ACSL6: variants seen among roughly 807,000 people sequenced by gnomAD.
ACSL6 encodes the protein long-chain-fatty-acid--CoA ligase 6.
In ACSL6, 47 loss-of-function variants were observed where a neutral mutation model predicts 98.2. The observed-to-expected ratio is 0.48, with a 90% CI of 0.38 to 0.61. ACSL6 has a LOEUF of 0.61. Among genes scored for constraint, ACSL6 ranks in the 20% least tolerant of loss-of-function variants. The pLI, the probability that ACSL6 is intolerant of heterozygous loss-of-function variation, is 0.00. For synonymous variants in ACSL6, 362 were observed against 336.9 expected, an observed-to-expected ratio of 1.07 and a Z score of -0.82; for missense variants, 761 against 913.4, an observed-to-expected ratio of 0.83 and a Z score of 2.15.
At chr5:131,995,261 C>T (rs1198094144) in intron 1 of ACSL6, among the ~76,000 whole-genome samples, 1 of 152,176 alleles carries the variant, frequency 6.6e-6, no homozygotes, top group East Asian at 1.9e-4. Context: ...GCGGCATCCT[C>T]CTCTCGGCCA....
At position 131,962,573 on chromosome 5, in the gene ACSL6, G is replaced by A. The variant is rs754815249; in HGVS notation, c.1819C>T (p.Pro607Ser). The A allele has an allele frequency of 3.7e-6, 6 of 1,613,958 alleles. No homozygotes were observed. In the African/African-American group the frequency reaches 5.3e-5, roughly 14 times the overall value. The change falls in exon 18 of 21, where the codon CCT (proline) becomes TCT (serine). Residue 607 changes from proline (P) to serine (S), a missense_variant. Coordinates refer to ENST00000651883, the MANE Select transcript of ACSL6 (RefSeq NM_001009185.3). ...KIENIYIRSQ[P>S]VAQIYVHGDS... is the part of the protein sequence containing the mutation. ...CCATGGACATAGATTTGCGCCACAG[G>A]TTGGCTCCGGATGTAGATGTTCTCA...
Position 131,976,699 on chromosome 5 carries a change from G to A in ACSL6, c.939C>T (p.Leu313=), listed in dbSNP as rs762321277. 1.9e-6 allele frequency: 3 copies of A among 1,614,190 alleles called. No individual in the cohort carries two copies. Among genetic ancestry groups the A allele is most frequent in the Non-Finnish European group, 1.7e-6 (2 of 1,180,016 alleles). ...AATCAGCCACCACGTTCCCATGGGT[G>A]AGCATCGCACCTTTTGGGTTCCCTA... is the stretch of plus-strand genomic sequence containing the variant. ...GTTGNPKGAM[L]THGNVVADFS... Residue 313 remains leucine (L), a synonymous_variant, in exon 10 of 21, where the codon CTC becomes CTT. Transcript: ENST00000651883.
intron 9 of ACSL6, chr5:131,983,156 T>C (rs1464278811): frequency 6.6e-6 from 1 of 152,244 alleles, no homozygotes; most frequent in Non-Finnish European, 1.5e-5. Context: ...TTTCCCAAAC[T>C]GGGCTATGTT....
intron 11 of ACSL6, among the ~76,000 whole-genome samples, chr5:131,974,486 T>C (rs574057361): frequency 1.3e-5 from 2 of 152,386 alleles, no homozygotes; most frequent in East Asian, 1.9e-4. Context: ...TCTGCAAAGC[T>C]GCAATACTCT....
intron 17 of ACSL6, among the ~76,000 whole-genome samples, chr5:131,965,921 C>T (rs80083938): frequency 3.3e-5 from 5 of 152,152 alleles, no homozygotes; most frequent in Non-Finnish European, 5.9e-5. Context: ...AAGCCACAGA[C>T]GGGGATGAGG....
At chr5:131,957,423 A>G (rs1752469779) in intron 20 of ACSL6, among the ~76,000 whole-genome samples, 2 of 152,274 alleles carry the variant, frequency 1.3e-5, no homozygotes, top group Admixed American at 1.3e-4. Flanking sequence ...ATGCTCAAAT[A>G]CTGCCCAGCC....
chr5:131,988,284 A>T, intron 6 of ACSL6, 58 bp from the exon 7 acceptor site: 1 of 1,585,212 alleles, frequency 6.3e-7, no homozygotes. Flanking sequence ...GAGTGCAGGC[A>T]GCATGTGCCA....
chr5:131,952,760 G>A lies in ACSL6; in HGVS notation c.*1474C>T. On this transcript the variant is annotated 3_prime_UTR_variant, in exon 21 of 21. Coordinates refer to ENST00000651883, the MANE Select transcript of ACSL6 (RefSeq NM_001009185.3). Reference sequence around the variant, plus strand: ...TAATGCAAGAAAGGAGGTTTTAGTGGTTAAACTTCGGCACGCTTAAAGATT... The same window carrying A: ...TAATGCAAGAAAGGAGGTTTTAGTGATTAAACTTCGGCACGCTTAAAGATT... The A allele has an allele frequency of 4.6e-6, 1 of 218,440 alleles. No homozygotes were observed. Among genetic ancestry groups the A allele is most frequent in the Non-Finnish European group, 9.2e-6 (1 of 108,824 alleles). The allele number at this position is 218,440 out of a possible 1,614,324, so 13.5% of individuals were successfully genotyped here.
intron 2 of ACSL6, among the ~76,000 whole-genome samples, chr5:131,991,340 C>T (rs765478420): frequency 1.8e-4 from 28 of 152,196 alleles, no homozygotes; most frequent in Non-Finnish European, 3.5e-4. Context: ...GGAGTATTGG[C>T]TGGATTCAGG....
intron 16 of ACSL6, among the ~76,000 whole-genome samples, chr5:131,967,353 T>C (rs999605498): frequency 6.6e-6 from 1 of 151,670 alleles, no homozygotes. Flanking sequence ...AGCAAGGCCT[T>C]GACTCTATTA....
intron 10 of ACSL6, chr5:131,975,921 AAAT>A: frequency 1.0e-6 from 1 of 985,492 alleles, no homozygotes; most frequent in South Asian, 4.7e-5. Flanking sequence ...TTTTCTGCTA[AAAT>A]AAACTGTCTC....
chr5:131,993,381 A>T (rs1437255546), intron 2 of ACSL6: 1 of 154,606 alleles, frequency 6.5e-6, no homozygotes, highest in African/African-American at 2.4e-5. Flanking sequence ...CTGGGAGAGC[A>T]AGGAAGAAGA....
chr5:131,961,633 G>A (rs1194844830), intron 18 of ACSL6, among the ~76,000 whole-genome samples: 1 of 152,034 alleles, frequency 6.6e-6, no homozygotes, highest in Non-Finnish European at 1.5e-5. Flanking sequence ...GGGGGTAGAG[G>A]CTGCAGTGAG....
intron 19 of ACSL6, 98 bp from the exon 20 acceptor site, chr5:131,959,705 G>A: frequency 1.8e-6 from 2 of 1,115,616 alleles, no homozygotes; most frequent in Non-Finnish European, 2.7e-6. Context: ...ACTGATGATT[G>A]TGCCAACATG....
chr5:131,974,637 C>T, intron 11 of ACSL6: 1 of 1,158,880 alleles, frequency 8.6e-7, no homozygotes, highest in Non-Finnish European at 1.2e-6. Flanking sequence ...CCTCTGACCC[C>T]TATGGTACCT....
chr5:131,972,935 C>G, intron 12 of ACSL6, 77 bp from the exon 13 acceptor site: 1 of 1,595,596 alleles, frequency 6.3e-7, no homozygotes, highest in South Asian at 1.1e-5. Context: ...GAATAAGGCC[C>G]AGACTGGCCA....
intron 13 of ACSL6, 120 bp downstream of exon 13, chr5:131,972,604 G>T (rs1580647335): frequency 8.3e-7 from 1 of 1,207,116 alleles, no homozygotes; most frequent in Non-Finnish European, 1.2e-6. Context: ...GATTTCATGA[G>T]CAAATGAGTT....
Position 131,951,997 on chromosome 5 carries a change from T to C in ACSL6, c.*2237A>G, listed in dbSNP as rs561324348. 28 of 178,440 alleles carry C rather than the reference T, an allele frequency of 1.6e-4. No individual in the cohort carries two copies. The highest frequency in any genetic ancestry group is 6.6e-4 in the African/African-American group (28 of 42,460). 11.1% of individuals were successfully genotyped at this position (178,440 alleles called of 1,614,324 possible). On this transcript the variant is annotated 3_prime_UTR_variant, in exon 21 of 21. Transcript: ENST00000651883. ...TTGTTTCTGTCACATTGTTCAAAAT[T>C]CTTTTGGGCTTAAAGCCAACTATGA...
chr5:132,005,199 C>T (rs2126960007), intron 1 of ACSL6, among the ~76,000 whole-genome samples: 1 of 152,268 alleles, frequency 6.6e-6, no homozygotes. Context: ...AAGGTGTCCT[C>T]AGAGAATCAC....
Sources: gnomAD v4.1 joint callset for allele counts (sites outside exome capture counted in the v4.1 genomes callset) on GRCh38, gnomAD v4.1.1 for gene constraint, MANE v1.5 for transcripts, NCBI Gene and HGNC (gene_info 2026-07-23, HGNC 2026-07-21) for gene names.